The following PNMT variants were observed in gnomAD, a reference collection of about 807,000 sequenced individuals.
PNMT encodes the protein noradrenaline N-methyltransferase.
Under a neutral mutation model 18.9 loss-of-function variants are expected in PNMT, and 18 were observed. The ratio of observed to expected loss-of-function variants is 0.95; its 90% confidence interval spans 0.66 to 1.41. The LOEUF (loss-of-function observed/expected upper bound fraction) is 1.41, where lower values mean the gene tolerates loss of function less well. Ranked by LOEUF, PNMT falls within the 40% of genes most tolerant of loss-of-function variation. PNMT has a pLI of 0.00. For synonymous variants in PNMT, 167 were observed against 168.6 expected, an observed-to-expected ratio of 0.99 and a Z score of 0.08; for missense variants, 378 against 387.0, an observed-to-expected ratio of 0.98 and a Z score of 0.20.
rs758623328 is a variant in PNMT at position 39,668,528 on chromosome 17, C to T, written c.53C>T (p.Pro18Leu). ...PNAGAAPDSA[P>L]GQAAVASAYQ... ...GCGGGCGCAGCCCCTGACTCGGCCCCGGGCCAGGCGGCGGTGGCTTCGGCC... is the reference window on the plus strand; with the variant it reads ...GCGGGCGCAGCCCCTGACTCGGCCCTGGGCCAGGCGGCGGTGGCTTCGGCC... Residue 18 changes from proline to leucine, a missense_variant, in exon 1 of 3, where the codon CCG becomes CTG. Transcript: ENST00000269582. 1.8e-5 allele frequency: 27 copies of T among 1,542,696 alleles called. No individual in the cohort carries two copies. The highest frequency in any genetic ancestry group is 3.8e-5 in the Admixed American group (2 of 52,202).
rs371069275 is a variant in PNMT, at chr17:39,670,014, C to T, written c.474C>T (p.Asp158=). 2.0e-5 allele frequency: 32 copies of T among 1,604,784 alleles called. No individual in the cohort carries two copies. The African/African-American group carries it at 2.8e-4, about 14-fold the overall frequency. The change falls in exon 3 of 3, where the codon GAC becomes GAT. Residue 158 remains aspartate, a synonymous_variant. Transcript: ENST00000269582. ...RARVKRVLPI[D]VHQPQPLGAG... The stretch of plus-strand genomic sequence containing the variant: ...GGGTGAAACGGGTCCTGCCCATCGA[C>T]GTGCACCAGCCCCAGCCCCTGGGTG...
At position 39,669,666 on chromosome 17, in the gene PNMT, A is replaced by G; in HGVS notation, c.240A>G (p.Ser80=). ...GACGCACCCTCATCGACATTGGTTC[A>G]GGCCCCACCGTGTACCAGCTGCTCA... ...VSGRTLIDIG[S]GPTVYQLLSA... The change falls in exon 2 of 3, where the codon TCA becomes TCG. Residue 80 remains serine (S), a synonymous_variant. Transcript: ENST00000269582. 1 of 1,614,122 alleles carries G rather than the reference A, an allele frequency of 6.2e-7. No individual in the cohort carries two copies. Among genetic ancestry groups the G allele is most frequent in the Non-Finnish European group, 8.5e-7 (1 of 1,180,004 alleles).
In PNMT at chr17:39,670,251, G is replaced by A; in HGVS notation, c.711G>A (p.Glu237=). The A allele has an allele frequency of 6.2e-7, 1 of 1,609,468 alleles. No homozygotes were observed. The highest frequency in any genetic ancestry group is 8.5e-7 in the Non-Finnish European group (1 of 1,178,596). The change falls in exon 3 of 3, where the codon GAG becomes GAA. Residue 237 remains glutamate (E), a synonymous_variant. Coordinates refer to ENST00000269582, the MANE Select transcript of PNMT (RefSeq NM_002686.4). ...ARLTVVPVSE[E]EVREALVRSG... The stretch of plus-strand genomic sequence containing the variant: ...TGACGGTGGTGCCAGTGTCTGAGGA[G>A]GAGGTGAGGGAGGCCCTGGTGCGTA...
At chr17:39,668,363 G>A, upstream of PNMT, 1 of 817,466 alleles carries the variant, frequency 1.2e-6, no homozygotes, top group Admixed American at 4.3e-5. Context: ...CATGGCCCCG[G>A]GCGGCTCGGC....
intron 2 of PNMT, 39 bp from the exon 3 acceptor site, chr17:39,669,912 T>C: frequency 1.3e-5 from 20 of 1,591,842 alleles, no homozygotes; most frequent in Non-Finnish European, 1.7e-5. Flanking sequence ...GGCCTGAGCG[T>C]AGAACAGCCT....
rs780875737 is a variant in PNMT, at chr17:39,669,610, C to T, written c.203-19C>T. The T allele has an allele frequency of 6.2e-7, 1 of 1,609,274 alleles. No homozygotes were observed. Among genetic ancestry groups the T allele is most frequent in the Non-Finnish European group, 8.5e-7 (1 of 1,175,686 alleles). ...CTGGGCTGGCTGGCACCAGGACCCTCTTCCTCTGCCCTGCCCAGGTGAAGT... is the reference window on the plus strand; with the variant it reads ...CTGGGCTGGCTGGCACCAGGACCCTTTTCCTCTGCCCTGCCCAGGTGAAGT... On this transcript the variant is annotated intron_variant, in intron 1 of 2. Coordinates refer to ENST00000269582, the MANE Select transcript of PNMT (RefSeq NM_002686.4).
At position 39,670,268 on chromosome 17, in the gene PNMT, T is replaced by C. The variant is rs1378881883; in HGVS notation, c.728T>C (p.Leu243Pro). The C allele has an allele frequency of 1.2e-6, 2 of 1,609,080 alleles. No individual in the cohort carries two copies. Among genetic ancestry groups the C allele is most frequent in the Admixed American group, 3.4e-5 (2 of 59,534 alleles). ...PVSEEEVREALVRSGYKVRDL... is the reference protein window; with the variant it reads ...PVSEEEVREAPVRSGYKVRDL... ...TCTGAGGAGGAGGTGAGGGAGGCCC[T>C]GGTGCGTAGTGGCTACAAGGTCCGG... The change falls in exon 3 of 3, where the codon CTG (leucine) becomes CCG (proline). Residue 243 changes from leucine (L) to proline (P), a missense_variant. By Grantham distance (98) the Leu-to-Pro change is moderately conservative. Transcript: ENST00000269582.
rs1325313728 is a variant in PNMT, at chr17:39,670,364, C to T, written c.824C>T (p.Ala275Val). The T allele has an allele frequency of 6.3e-7, 1 of 1,590,644 alleles. No homozygotes were observed. ...GATGATGTCAAGGGCGTCTTCTTCG[C>T]CTGGGCTCAGAAGGTTGGGCTGTGA... ...GVDDVKGVFF[A>V]WAQKVGL The change falls in exon 3 of 3, where the codon GCC becomes GTC. Residue 275 changes from alanine (A) to valine (V), a missense_variant. Coordinates refer to ENST00000269582, the MANE Select transcript of PNMT (RefSeq NM_002686.4).
rs11569780 is a variant in PNMT at position 39,668,678 on chromosome 17, G to A, written c.202+1G>A. Reference sequence around the variant, plus strand: ...TGCTTGGCGCAGACCTTCGCCACCGGTGAGCGGGGGAAACTGAGGCACGAG... The same window carrying A: ...TGCTTGGCGCAGACCTTCGCCACCGATGAGCGGGGGAAACTGAGGCACGAG... On this transcript the variant is annotated splice_donor_variant, in intron 1 of 2. Transcript: ENST00000269582. LOFTEE classifies it high-confidence loss of function. The A allele has an allele frequency of 6.4e-7, 1 of 1,570,924 alleles. No individual in the cohort carries two copies. The highest frequency in any genetic ancestry group is 8.6e-7 in the Non-Finnish European group (1 of 1,156,322).
chr17:39,669,591 T>G (rs373901554), intron 1 of PNMT, 38 bp from the exon 2 acceptor site: 1 of 1,535,198 alleles, frequency 6.5e-7, no homozygotes, highest in Admixed American at 1.7e-5. Flanking sequence ...CTGCCTGGGC[T>G]GGCTGGCACC....
chr17:39,668,274 G>A (rs1437048853), upstream of PNMT: 7 of 438,284 alleles, frequency 1.6e-5, no homozygotes, highest in Admixed American at 9.0e-5. Context: ...CGCTGCAGCC[G>A]CCGCCCCACT....
At chr17:39,669,124 AGGCTGGAGTACAAT>A (rs749892132) in intron 1 of PNMT, among the ~76,000 whole-genome samples, 2 of 152,042 alleles carry the variant, frequency 1.3e-5, no homozygotes, top group Non-Finnish European at 1.5e-5. Context: ...CTTGTTGCCC[AGGCTGGAGTACAAT>A]GGCGCCATCT....
At chr17:39,669,876 A>G in intron 2 of PNMT, 40 bp downstream of exon 2, 1 of 1,599,686 alleles carries the variant, frequency 6.3e-7, no homozygotes, top group East Asian at 2.2e-5. Context: ...GAGGCTTCCC[A>G]TAGAGTGGCT....
At position 39,670,225 on chromosome 17, in the gene PNMT, C is replaced by A; in HGVS notation, c.685C>A (p.Leu229Met). ...ESWYLAGEARLTVVPVSEEEV... is the reference protein window; with the variant it reads ...ESWYLAGEARMTVVPVSEEEV... ...GTGGTACCTGGCTGGGGAGGCCAGG[C>A]TGACGGTGGTGCCAGTGTCTGAGGA... Residue 229 changes from leucine (L) to methionine (M), a missense_variant, in exon 3 of 3, where the codon CTG (leucine) becomes ATG (methionine). By Grantham distance (15) the Leu-to-Met change is conservative (BLOSUM62 2). Transcript: ENST00000269582. 2 of 1,610,922 alleles carry A rather than the reference C, an allele frequency of 1.2e-6. No individual in the cohort carries two copies. The highest frequency in any genetic ancestry group is 1.7e-6 in the Non-Finnish European group (2 of 1,179,274).
rs1451875917 is a variant in PNMT at position 39,669,893 on chromosome 17, G to A, written c.410+57G>A. ...GGCTTCCCATAGAGTGGCTGGTTGG[G>A]GCAACAGAGGCCTGAGCGTAGAACA... On this transcript the variant is annotated intron_variant, in intron 2 of 2. Transcript: ENST00000269582. 8 of 1,592,626 alleles carry A rather than the reference G, an allele frequency of 5.0e-6. No individual in the cohort carries two copies. The African/African-American group carries it at 9.4e-5, about 19-fold the overall frequency.
In PNMT at chr17:39,670,372, CAGA is replaced by C. The variant is rs2057289901; in HGVS notation, c.835_837del (p.Lys279del). 3 of 1,586,090 alleles carry C rather than the reference CAGA, an allele frequency of 1.9e-6. No homozygotes were observed. The highest frequency in any genetic ancestry group is 2.3e-5 in the South Asian group (2 of 88,480). The stretch of plus-strand genomic sequence containing the variant: ...CAAGGGCGTCTTCTTCGCCTGGGCT[CAGA>C]AGGTTGGGCTGTGAGGGCTGTACCT... On this transcript the variant is annotated inframe_deletion, in exon 3 of 3. Transcript: ENST00000269582.
In PNMT at chr17:39,670,024, C is replaced by T. The variant is rs371724799; in HGVS notation, c.484C>T (p.Pro162Ser). 1.2e-6 allele frequency: 2 copies of T among 1,605,470 alleles called. No individual in the cohort carries two copies. The change falls in exon 3 of 3, where the codon CCC (proline) becomes TCC (serine). Residue 162 changes from proline to serine, a missense_variant. Physicochemically the swap from Pro to Ser is moderately conservative, Grantham distance 74 (BLOSUM62 -1). Coordinates refer to ENST00000269582, the MANE Select transcript of PNMT (RefSeq NM_002686.4). ...KRVLPIDVHQ[P>S]QPLGAGSPAP... ...GGTCCTGCCCATCGACGTGCACCAGCCCCAGCCCCTGGGTGCTGGGAGCCC... is the reference window on the plus strand; with the variant it reads ...GGTCCTGCCCATCGACGTGCACCAGTCCCAGCCCCTGGGTGCTGGGAGCCC...
At chr17:39,669,510 T>G in intron 1 of PNMT, 119 bp from the exon 2 acceptor site, 1 of 718,846 alleles carries the variant, frequency 1.4e-6, no homozygotes, top group South Asian at 1.7e-5. Flanking sequence ...TGGAGACACA[T>G]TTGCAGAGGA....
rs910025668 is a variant in PNMT at position 39,668,946 on chromosome 17, G to A, written c.202+269G>A. Among the ~76,000 whole-genome samples, 91 of 152,308 alleles carry A rather than the reference G, an allele frequency of 6.0e-4. 1 individual carries two copies. Among genetic ancestry groups the A allele is most frequent in the African/African-American group, 2.0e-3 (85 of 41,558 alleles). On this transcript the variant is annotated intron_variant, in intron 1 of 2. Transcript: ENST00000269582. ...GGGATGCAGGACAGACTGAGGTGGA[G>A]ATGCATAGGAGGAAATGGAGGCAGA...
Sources: gnomAD v4.1 joint callset for allele counts (sites outside exome capture counted in the v4.1 genomes callset) on GRCh38, gnomAD v4.1.1 for gene constraint, MANE v1.5 for transcripts, NCBI Gene and HGNC (gene_info 2026-07-23, HGNC 2026-07-21) for gene names.